Variants in PALM2AKAP2 observed in about 807,000 individuals in gnomAD.
PALM2AKAP2 encodes the protein PALM2 and AKAP2 fusion.
A neutral mutation model predicts 71.5 loss-of-function variants in PALM2AKAP2; 37 were observed. The ratio of observed to expected loss-of-function variants is 0.52; its 90% CI spans 0.40 to 0.68. The LOEUF is 0.68. Among genes scored for constraint, PALM2AKAP2 ranks in the 30% least tolerant of loss-of-function variants. PALM2AKAP2 has a pLI of 0.00. For synonymous variants in PALM2AKAP2, 468 were observed against 478.8 expected (o/e 0.98, Z 0.29); for missense variants, 1,224 against 1,191.8 (o/e 1.03, Z -0.40).
chr9:109,811,529 A>G (rs1827725982), intron 1 of PALM2AKAP2, among the ~76,000 whole-genome samples: 2 of 152,168 alleles, frequency 1.3e-5, no homozygotes, highest in Admixed American at 6.5e-5. Flanking sequence ...TATCCTATAT[A>G]ATAGTAATAA....
intron 1 of PALM2AKAP2, among the ~76,000 whole-genome samples, chr9:109,771,522 C>T (rs922439697): frequency 6.6e-6 from 1 of 152,142 alleles, no homozygotes; most frequent in Non-Finnish European, 1.5e-5. Context: ...TCCCAGAATC[C>T]TAGAAATCTC....
At chr9:109,961,058 C>T (rs1449052703) in intron 6 of PALM2AKAP2, among the ~76,000 whole-genome samples, 2 of 152,198 alleles carry the variant, frequency 1.3e-5, no homozygotes, top group South Asian at 2.1e-4. Flanking sequence ...ACTGCACAAT[C>T]CTGGAAGGCT....
intron 1 of PALM2AKAP2, among the ~76,000 whole-genome samples, chr9:110,114,146 G>A (rs910881564): frequency 2.0e-5 from 3 of 152,212 alleles, no homozygotes; most frequent in African/African-American, 7.2e-5. Flanking sequence ...TGAAATTACA[G>A]ATGGCAGGGT....
At chr9:109,739,582 T>C (rs1023675957) in intron 1 of PALM2AKAP2, among the ~76,000 whole-genome samples, 2 of 152,310 alleles carry the variant, frequency 1.3e-5, no homozygotes, top group African/African-American at 4.8e-5. Context: ...TCAATGATTA[T>C]TTCTGGTCAC....
intron 3 of PALM2AKAP2, among the ~76,000 whole-genome samples, chr9:109,889,168 G>C (rs1395597730): frequency 6.6e-6 from 1 of 152,226 alleles, no homozygotes; most frequent in Non-Finnish European, 1.5e-5. Flanking sequence ...CTTATGCACT[G>C]AGCCATGAAA....
chr9:109,759,862 G>A (rs930900638), intron 1 of PALM2AKAP2, among the ~76,000 whole-genome samples: 105 of 152,100 alleles, frequency 6.9e-4, no homozygotes, highest in Admixed American at 6.8e-3. Flanking sequence ...AGGCTCAAAG[G>A]TCCCAAGGCA....
intron 1 of PALM2AKAP2, chr9:109,765,684 A>T (rs1439468454): frequency 2.0e-5 from 3 of 152,238 alleles, no homozygotes; most frequent in South Asian, 2.1e-4. Context: ...CCCAGCCTTG[A>T]TCTGTGCTTC....
intron 3 of PALM2AKAP2, among the ~76,000 whole-genome samples, chr9:109,883,588 G>A (rs1341983): frequency 0.29 from 44,735 of 152,116 alleles, 8,693 homozygotes; most frequent in African/African-American, 0.55. Context: ...GGTTATTAGT[G>A]TCTTTAATCT....
rs546702174 is a variant in PALM2AKAP2, at chr9:109,735,070, C to T, written c.6-45418C>T. Among the ~76,000 whole-genome samples, 36 of 151,648 alleles carry T rather than the reference C, an allele frequency of 2.4e-4. 2 individuals carry two copies. In the South Asian group the frequency reaches 7.4e-3, roughly 31 times the overall value. ...AAATAATAGCAACTCCAAATATTAC[C>T]TTGGGCAAGACAAGGCAAATGATAT... On this transcript the variant is annotated intron_variant, in intron 1 of 6. Transcript: ENST00000374531.
At chr9:110,091,456 A>ATTTT (rs1194438639) in intron 1 of PALM2AKAP2, among the ~76,000 whole-genome samples, 5 of 67,418 alleles carry the variant, frequency 7.4e-5, no homozygotes, top group Admixed American at 3.1e-4. Context: ...TTTGAGATTT[A>ATTTT]TTCTTTTTTT....
At chr9:110,033,376 G>A (rs1011041436) in intron 7 of PALM2AKAP2, among the ~76,000 whole-genome samples, 8 of 152,156 alleles carry the variant, frequency 5.3e-5, no homozygotes, top group African/African-American at 1.9e-4. Context: ...AACAGTCATT[G>A]ACTTCTTCCT....
rs61256515 is a variant in PALM2AKAP2, at chr9:109,872,481, T to A, written c.126+4910T>A. ...ATTTACAAAGGTTTGCCTGACAGAG[T>A]TGGCCCTGTCAGAATCAAATTGCTA... On this transcript the variant is annotated intron_variant, in intron 2 of 9. Transcript: ENST00000302798. 3.8e-3 allele frequency among the ~76,000 whole-genome samples: 573 copies of A among 152,246 alleles called. 6 individuals carry two copies. Among genetic ancestry groups the A allele is most frequent in the African/African-American group, 0.013 (552 of 41,544 alleles).
exon 2 of PALM2AKAP2, chr9:110,137,677 G>A (rs906587146): frequency 5.6e-6 from 9 of 1,613,938 alleles, no homozygotes; most frequent in African/African-American, 2.7e-5. Context: ...AATTGTCGGT[G>A]AGGTCTCAGG....
intron 1 of PALM2AKAP2, among the ~76,000 whole-genome samples, chr9:109,810,189 C>T (rs1827691536): frequency 6.6e-6 from 1 of 152,114 alleles, no homozygotes; most frequent in Admixed American, 6.6e-5. Flanking sequence ...AAAGAGACGT[C>T]TGGGCTGGCT....
chr9:109,932,721 C>T (rs1280234517), intron 6 of PALM2AKAP2, among the ~76,000 whole-genome samples: 3 of 138,100 alleles, frequency 2.2e-5, no homozygotes, highest in East Asian at 4.3e-4. Context: ...TACACGAACC[C>T]TTATGATCTA....
At chr9:110,031,375 C>T (rs1211021915) in intron 7 of PALM2AKAP2, among the ~76,000 whole-genome samples, 2 of 152,106 alleles carry the variant, frequency 1.3e-5, no homozygotes, top group Non-Finnish European at 1.5e-5. Flanking sequence ...ACTGATCCGC[C>T]CACCTCAGCT....
intron 3 of PALM2AKAP2, among the ~76,000 whole-genome samples, chr9:109,881,270 G>T (rs947850980): frequency 6.6e-6 from 1 of 152,186 alleles, no homozygotes; most frequent in Non-Finnish European, 1.5e-5. Context: ...CTGTAATACA[G>T]CACAGTGATG....
At chr9:109,956,145 C>T (rs188683539) in intron 6 of PALM2AKAP2, among the ~76,000 whole-genome samples, 2 of 151,836 alleles carry the variant, frequency 1.3e-5, no homozygotes, top group East Asian at 2.0e-4. Flanking sequence ...GCTGGGATTA[C>T]AGGCGCATGC....
chr9:109,892,218 T>G (rs1387432061), intron 3 of PALM2AKAP2, among the ~76,000 whole-genome samples: 2 of 152,206 alleles, frequency 1.3e-5, no homozygotes, highest in Admixed American at 1.3e-4. Context: ...CTTGCCTCTC[T>G]CAGCTTAGTG....
Sources: gnomAD v4.1 joint callset for allele counts (sites outside exome capture counted in the v4.1 genomes callset) on GRCh38, gnomAD v4.1.1 for gene constraint, MANE v1.5 for transcripts, NCBI Gene and HGNC (gene_info 2026-07-23, HGNC 2026-07-21) for gene names.